Variants in ARHGEF10 observed in about 807,000 individuals in gnomAD.
ARHGEF10 encodes Rho guanine nucleotide exchange factor (GEF) 10.
ARHGEF10 carries 140 observed loss-of-function variants against 147.4 expected under a neutral mutation model. That is an observed-to-expected ratio of 0.95 (90% CI 0.83 to 1.09). ARHGEF10 has a LOEUF of 1.09. Among genes scored for constraint, ARHGEF10 ranks in the 50% least tolerant of loss-of-function variants. The probability of loss-of-function intolerance (pLI) is 0.00; values close to 1 mark genes in which losing one functional copy is unlikely to be tolerated. For missense variants in ARHGEF10, 2,222 were observed against 1,752.7 expected (o/e 1.27, Z -4.78); for synonymous variants, 902 against 695.8 (o/e 1.30, Z -4.67).
intron 15 of ARHGEF10, among the ~76,000 whole-genome samples, chr8:1,901,159 C>A (rs1198611887): frequency 6.6e-6 from 1 of 151,798 alleles, no homozygotes; most frequent in Non-Finnish European, 1.5e-5. Context: ...CTCAGGGCAC[C>A]CGGGATGGGG....
intron 1 of ARHGEF10, among the ~76,000 whole-genome samples, chr8:1,829,317 G>C (rs1323982099): frequency 6.6e-6 from 1 of 152,278 alleles, no homozygotes; most frequent in African/African-American, 2.4e-5. Context: ...GGTGCGTGCA[G>C]TTCTGAGCCT....
chr8:1,863,408 A>T (rs1806314164), intron 4 of ARHGEF10, among the ~76,000 whole-genome samples: 1 of 152,230 alleles, frequency 6.6e-6, no homozygotes, highest in Non-Finnish European at 1.5e-5. Context: ...CTTTGAGCCA[A>T]CTGCTGCGGT....
chr8:1,905,164 C>T (rs1163370769), intron 16 of ARHGEF10, among the ~76,000 whole-genome samples: 1 of 152,144 alleles, frequency 6.6e-6, no homozygotes, highest in Admixed American at 6.5e-5. Context: ...GTGACTTCTA[C>T]ATCGCATACC....
chr8:1,898,623 C>G, intron 15 of ARHGEF10, 98 bp downstream of exon 15: 1 of 1,180,030 alleles, frequency 8.5e-7, no homozygotes, highest in Non-Finnish European at 1.2e-6. Context: ...ATGGCTGCCC[C>G]TCGGGCCTCC....
Position 1,876,593 on chromosome 8 carries a change from T to C in ARHGEF10, c.702T>C (p.Val234=). The change falls in exon 8 of 29, where the codon GTT becomes GTC. Residue 234 remains valine (V), a synonymous_variant. Coordinates refer to ENST00000349830, the MANE Select transcript of ARHGEF10 (RefSeq NM_014629.4). ...CAGATGAAATGATTTATGATGATGTTGAGAATGGGGATGAAGGTGGAAACA... is the reference window on the plus strand; with the variant it reads ...CAGATGAAATGATTTATGATGATGTCGAGAATGGGGATGAAGGTGGAAACA... ...SEPDEMIYDD[V]ENGDEGGNSS... 6.2e-7 allele frequency: 1 copy of C among 1,614,226 alleles called. No individual in the cohort carries two copies. Among genetic ancestry groups the C allele is most frequent in the Middle Eastern group, 1.6e-4 (1 of 6,062 alleles).
intron 7 of ARHGEF10, among the ~76,000 whole-genome samples, chr8:1,873,562 G>A (rs1176723339): frequency 7.1e-6 from 1 of 140,162 alleles, no homozygotes; most frequent in Non-Finnish European, 1.5e-5. Flanking sequence ...TGCCTTGAGA[G>A]GTGCCGCGGG....
intron 27 of ARHGEF10, among the ~76,000 whole-genome samples, chr8:1,950,717 TTTTG>T (rs1323843649): frequency 7.0e-6 from 1 of 142,704 alleles, no homozygotes; most frequent in Non-Finnish European, 1.5e-5. Context: ...TATTTTTTTG[TTTTG>T]TTTTTTAGGT....
At chr8:1,866,987 C>T (rs1044237688) in intron 6 of ARHGEF10, among the ~76,000 whole-genome samples, 2 of 151,390 alleles carry the variant, frequency 1.3e-5, no homozygotes, top group African/African-American at 2.4e-5. Context: ...GTCTGGCACC[C>T]GTTTTGAAGA....
rs545716497 is a variant in ARHGEF10, at chr8:1,849,482, G to T, written c.37+6046G>T. Among the ~76,000 whole-genome samples the T allele has an allele frequency of 2.0e-5, 3 of 149,066 alleles. No individual in the cohort carries two copies. In the South Asian group the frequency reaches 6.5e-4, roughly 32 times the overall value. The stretch of plus-strand genomic sequence containing the variant: ...CATGGACACAGACAGCAAATGCTGA[G>T]GGGGGCGTGGGGCAGCCACGTGGAC... On this transcript the variant is annotated intron_variant, in intron 2 of 28. Transcript: ENST00000349830.
intron 27 of ARHGEF10, 25 bp downstream of exon 27, chr8:1,945,680 G>C: frequency 1.2e-6 from 2 of 1,614,024 alleles, no homozygotes; most frequent in Non-Finnish European, 1.7e-6. Flanking sequence ...CGGGGCCCAG[G>C]GATGGGACAG....
Position 1,905,689 on chromosome 8 carries a change from T to A in ARHGEF10, c.1940T>A (p.Val647Glu). The A allele has an allele frequency of 6.2e-7, 1 of 1,614,146 alleles. No homozygotes were observed. The highest frequency in any genetic ancestry group is 8.5e-7 in the Non-Finnish European group (1 of 1,180,040). The change falls in exon 17 of 29, where the codon GTG (valine) becomes GAG (glutamate). Residue 647 changes from valine to glutamate, a missense_variant. Val to Glu is a moderately radical substitution (Grantham distance 121). Transcript: ENST00000349830. ...CGCCGAGTCTTCATGTTAAATGATGTGTTAATGTGTGCCACCGTCAGCTCA... is the reference window on the plus strand; with the variant it reads ...CGCCGAGTCTTCATGTTAAATGATGAGTTAATGTGTGCCACCGTCAGCTCA... ...KERRVFMLND[V>E]LMCATVSSRP...
intron 18 of ARHGEF10, among the ~76,000 whole-genome samples, chr8:1,921,251 A>G (rs1812266292): frequency 6.6e-6 from 1 of 152,242 alleles, no homozygotes; most frequent in East Asian, 1.9e-4. Flanking sequence ...CTCCTCAGTT[A>G]TATAGTAAAT....
chr8:1,826,846 T>C (rs1338992146), intron 1 of ARHGEF10, among the ~76,000 whole-genome samples: 1 of 152,196 alleles, frequency 6.6e-6, no homozygotes, highest in Non-Finnish European at 1.5e-5. Context: ...TTTGCCTGGG[T>C]AGAAAGGTAA....
chr8:1,850,427 C>T (rs575114668), intron 2 of ARHGEF10, among the ~76,000 whole-genome samples: 2 of 146,054 alleles, frequency 1.4e-5, no homozygotes, highest in African/African-American at 2.6e-5. Flanking sequence ...CGCGTGGACA[C>T]AGACGGCAAA....
At chr8:1,882,809 T>C in intron 10 of ARHGEF10, 60 bp downstream of exon 10, 2 of 664,802 alleles carry the variant, frequency 3.0e-6, no homozygotes, top group South Asian at 3.0e-5. Context: ...CGGCCACATC[T>C]TGTGGGGAGG....
intron 1 of ARHGEF10, among the ~76,000 whole-genome samples, chr8:1,829,880 T>C (rs17756457): frequency 0.024 from 3,592 of 152,248 alleles, 105 homozygotes; most frequent in East Asian, 0.1. Flanking sequence ...GAATGGCGTT[T>C]AGACATGCAG....
At chr8:1,915,409 C>T (rs116977888) in intron 18 of ARHGEF10, among the ~76,000 whole-genome samples, 2,480 of 152,290 alleles carry the variant, frequency 0.016, 34 homozygotes, top group Non-Finnish European at 0.026. Context: ...AAATGAGAGC[C>T]CATTAAGGAA....
intron 1 of ARHGEF10, among the ~76,000 whole-genome samples, chr8:1,830,299 C>T (rs1803017238): frequency 1.7e-5 from 1 of 58,746 alleles, no homozygotes. Context: ...AGGCGGCTGT[C>T]CTTGGTGGGC....
At chr8:1,884,894 A>G (rs1044362765) in intron 10 of ARHGEF10, among the ~76,000 whole-genome samples, 10 of 152,150 alleles carry the variant, frequency 6.6e-5, no homozygotes, top group Admixed American at 1.3e-4. Flanking sequence ...CCTCCTCACT[A>G]GCTGGGAGTA....
Sources: gnomAD v4.1 joint callset for allele counts (sites outside exome capture counted in the v4.1 genomes callset) on GRCh38, gnomAD v4.1.1 for gene constraint, MANE v1.5 for transcripts, NCBI Gene and HGNC (gene_info 2026-07-23, HGNC 2026-07-21) for gene names.